ARRB1: variants seen among roughly 807,000 people sequenced by gnomAD.
ARRB1 encodes the protein arrestin beta 1.
In ARRB1, 21 loss-of-function variants were observed where a neutral mutation model predicts 56.8. The observed-to-expected ratio is 0.37, with a 90% CI of 0.26 to 0.53. The LOEUF (loss-of-function observed/expected upper bound fraction) is 0.53, where lower values mean the gene tolerates loss of function less well. Among genes scored for constraint, ARRB1 ranks in the 20% least tolerant of loss-of-function variants. The pLI is 0.88. For missense variants in ARRB1, 424 were observed against 553.7 expected (o/e 0.77, Z 2.35); for synonymous variants, 210 against 218.6 (o/e 0.96, Z 0.35).
At chr11:75,286,977 T>C (rs1204774703) in intron 3 of ARRB1, among the ~76,000 whole-genome samples, 1 of 152,116 alleles carries the variant, frequency 6.6e-6, no homozygotes, top group Non-Finnish European at 1.5e-5. Flanking sequence ...CTCATTCTCC[T>C]TGTCTGGAAA....
At chr11:75,277,701 C>T (rs1946231854) in intron 8 of ARRB1, among the ~76,000 whole-genome samples, 1 of 152,214 alleles carries the variant, frequency 6.6e-6, no homozygotes, top group Non-Finnish European at 1.5e-5. Context: ...TCATCAGCCA[C>T]TTCCCACTGC....
intron 1 of ARRB1, among the ~76,000 whole-genome samples, chr11:75,326,514 G>A (rs1025850588): frequency 6.6e-6 from 1 of 151,978 alleles, no homozygotes; most frequent in African/African-American, 2.4e-5. Context: ...AACAGAGAGA[G>A]GTTAAATAAC....
rs1946096579 is a variant in ARRB1 at position 75,272,667 on chromosome 11, G to T, written c.998+228C>A. The T allele has an allele frequency of 9.1e-6, 5 of 547,188 alleles. No homozygotes were observed. In the South Asian group the frequency reaches 1.1e-4, roughly 12 times the overall value. The allele number at this position is 547,188 out of a possible 1,614,324, so 33.9% of individuals were successfully genotyped here. On this transcript the variant is annotated intron_variant, in intron 12 of 15. Coordinates refer to ENST00000420843, the MANE Select transcript of ARRB1 (RefSeq NM_004041.5). ...GATAGAGGAGGAGGAGAGAGAGAAA[G>T]AGATGGGTGGGGGTAAGAGAGGGGC...
Position 75,287,386 on chromosome 11 carries a change from G to C in ARRB1, c.52-11C>G, listed in dbSNP as rs1208518599. 1 of 1,557,406 alleles carries C rather than the reference G, an allele frequency of 6.4e-7. No homozygotes were observed. The highest frequency in any genetic ancestry group is 1.4e-5 in the African/African-American group (1 of 73,338). ...CAGGTAGACGGTGAGCTGAGGAGGA[G>C]AGGCATAGGGGGCGTTAGCAGCTGC... On this transcript the variant is annotated splice_polypyrimidine_tract_variant and intron_variant, in intron 2 of 15. Coordinates refer to ENST00000420843, the MANE Select transcript of ARRB1 (RefSeq NM_004041.5).
At chr11:75,313,861 A>G (rs1057481750) in intron 1 of ARRB1, among the ~76,000 whole-genome samples, 5 of 152,196 alleles carry the variant, frequency 3.3e-5, no homozygotes, top group Non-Finnish European at 5.9e-5. Context: ...AAAAAGCATC[A>G]CAGCCAGGCC....
chr11:75,351,014 G>A (rs1591999917), intron 1 of ARRB1, among the ~76,000 whole-genome samples: 1 of 152,272 alleles, frequency 6.6e-6, no homozygotes, highest in South Asian at 2.1e-4. Flanking sequence ...TGCCAGTGAG[G>A]GTGATGTGTG....
At chr11:75,285,472 C>A (rs757425967) in intron 3 of ARRB1, among the ~76,000 whole-genome samples, 4 of 152,188 alleles carry the variant, frequency 2.6e-5, no homozygotes, top group Non-Finnish European at 5.9e-5. Context: ...CCCTCTAACC[C>A]ATTGTCACTT....
At position 75,262,575 on chromosome 11, in the gene ARRB1, G is replaced by A. The variant is rs1591875919; in HGVS notation, c.*3588C>T. 6.6e-6 allele frequency: 1 copy of A among 152,218 alleles called. No individual in the cohort carries two copies. The highest frequency in any genetic ancestry group is 2.4e-5 in the African/African-American group (1 of 41,448). 9.4% of individuals were successfully genotyped at this position (152,218 alleles called of 1,614,324 possible). A position where few individuals can be genotyped will look rare whatever the true frequency, so the allele number is the denominator to read the frequency against. Reference sequence around the variant, plus strand: ...CTTGGGCCATCCCTGCAGTGGCAGGGCCACACACATCCAGCCATTTTCAAC... The same window carrying A: ...CTTGGGCCATCCCTGCAGTGGCAGGACCACACACATCCAGCCATTTTCAAC... On this transcript the variant is annotated 3_prime_UTR_variant, in exon 16 of 16. Transcript: ENST00000420843.
chr11:75,323,044 C>T (rs1947373421), intron 1 of ARRB1, among the ~76,000 whole-genome samples: 1 of 152,096 alleles, frequency 6.6e-6, no homozygotes, highest in Admixed American at 6.5e-5. Flanking sequence ...GAGGGTGGCC[C>T]AGATTAGGGA....
At chr11:75,344,578 A>G (rs945253295) in intron 1 of ARRB1, among the ~76,000 whole-genome samples, 4 of 152,124 alleles carry the variant, frequency 2.6e-5, no homozygotes, top group African/African-American at 9.7e-5. Flanking sequence ...GAACAAACCT[A>G]GCAGAGGTTT....
intron 15 of ARRB1, among the ~76,000 whole-genome samples, chr11:75,267,173 C>A (rs979550589): frequency 6.6e-6 from 1 of 152,214 alleles, no homozygotes; most frequent in Non-Finnish European, 1.5e-5. Context: ...GCAGTCGGCC[C>A]AGGTCCTCCC....
chr11:75,279,910 T>C (rs1176252402), intron 7 of ARRB1, among the ~76,000 whole-genome samples: 8 of 152,158 alleles, frequency 5.3e-5, no homozygotes, highest in South Asian at 2.1e-4. Flanking sequence ...TCAAGTAATA[T>C]GCCTGCCTTC....
intron 6 of ARRB1, 57 bp downstream of exon 6, chr11:75,281,905 G>T (rs781389556): frequency 2.8e-4 from 432 of 1,562,796 alleles, no homozygotes; most frequent in Non-Finnish European, 3.7e-4. Flanking sequence ...GAAAGCCAGG[G>T]ACCTGGGGAC....
At chr11:75,267,783 C>T in intron 14 of ARRB1, 80 bp from the exon 15 acceptor site, 2 of 1,212,804 alleles carry the variant, frequency 1.6e-6, no homozygotes, top group Non-Finnish European at 1.2e-6. Flanking sequence ...AGGCCCCCAC[C>T]CTGGGACAAC....
chr11:75,281,592 G>C lies in ARRB1; in HGVS notation c.414+370C>G, dbSNP rs1429850424. The C allele has an allele frequency of 4.1e-5, 14 of 345,238 alleles. No individual in the cohort carries two copies. The Admixed American group carries it at 5.7e-4, about 14-fold the overall frequency. 21.4% of individuals were successfully genotyped at this position (345,238 alleles called of 1,614,324 possible). A position where few individuals can be genotyped will look rare whatever the true frequency, so the allele number is the denominator to read the frequency against. On this transcript the variant is annotated intron_variant, in intron 6 of 15. Coordinates refer to ENST00000420843, the MANE Select transcript of ARRB1 (RefSeq NM_004041.5). The stretch of plus-strand genomic sequence containing the variant: ...TGGGCTCAAAGCTCTGGAGCTAGTG[G>C]TGTCACTTCTCTCCAACCCTCAGTT...
chr11:75,346,786 C>T (rs1217249786), intron 1 of ARRB1, among the ~76,000 whole-genome samples: 1 of 152,210 alleles, frequency 6.6e-6, no homozygotes, highest in East Asian at 1.9e-4. Context: ...TCTCTTCATA[C>T]TCTATACCTC....
Position 75,351,590 on chromosome 11 carries a change from G to T in ARRB1, c.18C>A (p.Thr6=). The T allele has an allele frequency of 1.4e-6, 2 of 1,473,670 alleles. No homozygotes were observed. Among genetic ancestry groups the T allele is most frequent in the South Asian group, 1.3e-5 (1 of 77,804 alleles). 91.3% of individuals were successfully genotyped at this position (1,473,670 alleles called of 1,614,324 possible). Residue 6 remains threonine (T), a splice_region_variant and synonymous_variant, in exon 1 of 16, where the codon ACC becomes ACA. Coordinates refer to ENST00000420843, the MANE Select transcript of ARRB1 (RefSeq NM_004041.5). ...CCGGGCGGCCGCCCTGCACTCACCG[G>T]GTCCCTTTGTCGCCCATGGTCCGCG... MGDKG[T]RVFKKASPNG... is the part of the protein sequence containing the mutation.
At chr11:75,345,532 G>A (rs1334713818) in intron 1 of ARRB1, among the ~76,000 whole-genome samples, 9 of 152,098 alleles carry the variant, frequency 5.9e-5, no homozygotes, top group Admixed American at 3.3e-4. Flanking sequence ...GGGAGACAAG[G>A]CCCCAACCTC....
At chr11:75,315,038 A>G (rs737410) in intron 1 of ARRB1, among the ~76,000 whole-genome samples, 6,205 of 152,270 alleles carry the variant, frequency 0.041, 433 homozygotes, top group African/African-American at 0.14. Context: ...CCTGGGTCCC[A>G]GTTAGTGCTG....
Sources: gnomAD v4.1 joint callset for allele counts (sites outside exome capture counted in the v4.1 genomes callset) on GRCh38, gnomAD v4.1.1 for gene constraint, MANE v1.5 for transcripts, NCBI Gene and HGNC (gene_info 2026-07-23, HGNC 2026-07-21) for gene names.